ADCYAP1R1: variants seen among roughly 807,000 people sequenced by gnomAD.
ADCYAP1R1 encodes the protein pituitary adenylate cyclase-activating polypeptide type I receptor.
A neutral mutation model predicts 67.6 loss-of-function variants in ADCYAP1R1; 44 were observed. That is an observed-to-expected ratio of 0.65 (90% CI 0.51 to 0.84). The LOEUF is 0.84. Among genes scored for constraint, ADCYAP1R1 ranks in the 40% least tolerant of loss-of-function variants. The probability of loss-of-function intolerance (pLI) is 0.00; values close to 1 mark genes in which losing one functional copy is unlikely to be tolerated. For synonymous variants in ADCYAP1R1, 222 were observed against 219.6 expected (o/e 1.01, Z -0.10); for missense variants, 477 against 587.9 (o/e 0.81, Z 1.95).
intron 15 of ADCYAP1R1, among the ~76,000 whole-genome samples, chr7:31,105,111 A>C (rs377538432): frequency 6.6e-6 from 1 of 152,352 alleles, no homozygotes; most frequent in African/African-American, 2.4e-5. Context: ...CCTGTGCTGG[A>C]ATCTGTCCCA....
At chr7:31,095,197 A>C (rs780721499) in intron 13 of ADCYAP1R1, among the ~76,000 whole-genome samples, 1 of 152,206 alleles carries the variant, frequency 6.6e-6, no homozygotes, top group Non-Finnish European at 1.5e-5. Context: ...TAGGTAAATC[A>C]CTGTCAAATA....
intron 3 of ADCYAP1R1, among the ~76,000 whole-genome samples, chr7:31,068,418 C>T (rs1794840094): frequency 6.6e-6 from 1 of 152,164 alleles, no homozygotes; most frequent in African/African-American, 2.4e-5. Flanking sequence ...TCCGTGCCTT[C>T]ACCCCTGGGC....
At chr7:31,061,547 C>A (rs1372363757) in intron 1 of ADCYAP1R1, among the ~76,000 whole-genome samples, 4 of 152,188 alleles carry the variant, frequency 2.6e-5, no homozygotes, top group Non-Finnish European at 5.9e-5. Flanking sequence ...TCCTCCCTGA[C>A]CCACAGGAGG....
intron 13 of ADCYAP1R1, chr7:31,100,351 G>A: frequency 2.1e-6 from 1 of 484,034 alleles, no homozygotes; most frequent in East Asian, 6.8e-5. Flanking sequence ...GCATGTTGGT[G>A]TCTGTGTGTC....
At chr7:31,101,320 C>T (rs1392587789) in intron 13 of ADCYAP1R1, among the ~76,000 whole-genome samples, 1 of 152,168 alleles carries the variant, frequency 6.6e-6, no homozygotes, top group Non-Finnish European at 1.5e-5. Context: ...AATTCCACCA[C>T]AGAAGCTGGA....
At chr7:31,088,918 C>T (rs1463608991) in intron 12 of ADCYAP1R1, among the ~76,000 whole-genome samples, 2 of 152,168 alleles carry the variant, frequency 1.3e-5, no homozygotes, top group African/African-American at 2.4e-5. Context: ...GTAGGAATTG[C>T]ATTGCGTTTA....
intron 1 of ADCYAP1R1, among the ~76,000 whole-genome samples, chr7:31,055,649 G>A (rs1003861958): frequency 2.0e-5 from 3 of 152,166 alleles, no homozygotes; most frequent in Non-Finnish European, 2.9e-5. Flanking sequence ...CTCACTGGCC[G>A]TACAAAAATA....
intron 1 of ADCYAP1R1, 81 bp from the exon 2 acceptor site, chr7:31,063,113 G>A: frequency 1.3e-6 from 1 of 787,312 alleles, no homozygotes. Context: ...GCAGGGAGCT[G>A]GGGGAATAAG....
Position 31,102,669 on chromosome 7 carries a change from G to A in ADCYAP1R1, c.1047-568G>A, listed in dbSNP as rs1048491330. Among the ~76,000 whole-genome samples, 1 of 152,162 alleles carries A rather than the reference G, an allele frequency of 6.6e-6. No individual in the cohort carries two copies. Among genetic ancestry groups the A allele is most frequent in the Non-Finnish European group, 1.5e-5 (1 of 68,016 alleles). The stretch of plus-strand genomic sequence containing the variant: ...GATTGCCGATGCCCAGGGTCCGTAA[G>A]TTCCTCCTAGAATCCCTCCCGAGTT... On this transcript the variant is annotated intron_variant, in intron 13 of 15. Coordinates refer to ENST00000304166, the MANE Select transcript of ADCYAP1R1 (RefSeq NM_001118.5). This position sits in a 1 kb window ranked among gnomAD's most constrained non-coding sequence, Gnocchi z 4.3.
intron 1 of ADCYAP1R1, among the ~76,000 whole-genome samples, chr7:31,060,030 C>T (rs559916992): frequency 1.3e-5 from 2 of 152,114 alleles, no homozygotes; most frequent in South Asian, 4.1e-4. Flanking sequence ...TGAGAGTGCC[C>T]CAGCTCCCTT....
chr7:31,093,040 G>T (rs1484965221), intron 13 of ADCYAP1R1, among the ~76,000 whole-genome samples: 1 of 152,078 alleles, frequency 6.6e-6, no homozygotes, highest in Non-Finnish European at 1.5e-5. Flanking sequence ...AGGGAGGTAG[G>T]GTCTTGGTTG....
intron 12 of ADCYAP1R1, among the ~76,000 whole-genome samples, chr7:31,090,221 G>T (rs538950777): frequency 1.5e-3 from 233 of 152,002 alleles, no homozygotes; most frequent in Non-Finnish European, 2.7e-3. Context: ...TTCTTACGTT[G>T]ATTTTGTTGA....
rs1300407866 is a variant in ADCYAP1R1 at position 31,078,116 on chromosome 7, T to A, written c.265+18T>A. 2 of 1,591,742 alleles carry A rather than the reference T, an allele frequency of 1.3e-6. No homozygotes were observed. Among genetic ancestry groups the A allele is most frequent in the Non-Finnish European group, 1.7e-6 (2 of 1,168,330 alleles). ...AGACCAAGGTGGGTTTAGCCCAGTC[T>A]CTTTAGGCCACGCTGGCCTAGCCTG... On this transcript the variant is annotated intron_variant, in intron 4 of 15. Coordinates refer to ENST00000304166, the MANE Select transcript of ADCYAP1R1 (RefSeq NM_001118.5).
chr7:31,082,926 C>T (rs1381225668), intron 6 of ADCYAP1R1, among the ~76,000 whole-genome samples: 1 of 152,212 alleles, frequency 6.6e-6, no homozygotes, highest in Non-Finnish European at 1.5e-5. Flanking sequence ...ATGCAGGAAG[C>T]GAGGGACACA....
Position 31,085,532 on chromosome 7 carries a change from C to A in ADCYAP1R1, c.669+90C>A. ...CCCAGGACGCACATTACCTGCCTGA[C>A]ACCCTGCAGATCAAGTGTGTCCCTG... is the stretch of plus-strand genomic sequence containing the variant. On this transcript the variant is annotated intron_variant, in intron 9 of 15. Transcript: ENST00000304166. The A allele has an allele frequency of 7.7e-6, 11 of 1,433,428 alleles. No individual in the cohort carries two copies. In the South Asian group the frequency reaches 1.5e-4, roughly 19 times the overall value. The allele number at this position is 1,433,428 out of a possible 1,614,324, so 88.8% of individuals were successfully genotyped here. A position where few individuals can be genotyped will look rare whatever the true frequency, so the allele number is the denominator to read the frequency against.
At chr7:31,067,389 T>C (rs1331031080) in intron 3 of ADCYAP1R1, among the ~76,000 whole-genome samples, 1 of 152,134 alleles carries the variant, frequency 6.6e-6, no homozygotes, top group Non-Finnish European at 1.5e-5. Flanking sequence ...CCTTTCCTGC[T>C]CTGGGCCTCA....
At chr7:31,076,155 G>T (rs1022680910) in intron 3 of ADCYAP1R1, among the ~76,000 whole-genome samples, 1 of 152,252 alleles carries the variant, frequency 6.6e-6, no homozygotes. Flanking sequence ...CATGAGCAGG[G>T]TGAGCTCATC....
In ADCYAP1R1 at chr7:31,086,930, C is replaced by G. The variant is rs771218903; in HGVS notation, c.824-13C>G. ...TTCCTGTTCTCACGGACCTCTTTTT[C>G]TTGTTCTCCCAGGGACCCCAACTGT... On this transcript the variant is annotated splice_polypyrimidine_tract_variant and intron_variant, in intron 10 of 15. Coordinates refer to ENST00000304166, the MANE Select transcript of ADCYAP1R1 (RefSeq NM_001118.5). The surrounding 1 kb of genome is among the most constrained non-coding windows in gnomAD (Gnocchi z 5.0). The G allele has an allele frequency of 6.2e-7, 1 of 1,614,064 alleles. No individual in the cohort carries two copies. The highest frequency in any genetic ancestry group is 1.7e-4 in the Middle Eastern group (1 of 6,060).
chr7:31,052,504 A>C lies in ADCYAP1R1; in HGVS notation c.-246A>C, dbSNP rs1177201227. 1.3e-5 allele frequency: 2 copies of C among 149,800 alleles called. No individual in the cohort carries two copies. Among genetic ancestry groups the C allele is most frequent in the African/African-American group, 4.9e-5 (2 of 40,876 alleles). The allele number at this position is 149,800 out of a possible 1,614,324, so 9.3% of individuals were successfully genotyped here. On this transcript the variant is annotated 5_prime_UTR_variant, in exon 1 of 16. Coordinates refer to ENST00000304166, the MANE Select transcript of ADCYAP1R1 (RefSeq NM_001118.5). ...TGCGCACACGCACACGCCGCCGCGC[A>C]GGGACACACGGACCCCGGCCGCCAG...
Sources: allele counts gnomAD v4.1 joint callset (sites outside exome capture counted in the v4.1 genomes callset), GRCh38; gene constraint gnomAD v4.1.1; non-coding constraint Gnocchi (gnomAD v3.1); transcripts MANE v1.5; gene names NCBI Gene and HGNC (gene_info 2026-07-23, HGNC 2026-07-21).